ARID1B: variants seen among roughly 807,000 people sequenced by gnomAD.
The protein encoded by ARID1B is AT-rich interactive domain-containing protein 1B.
A neutral mutation model predicts 212.3 loss-of-function variants in ARID1B; 30 were observed. The observed-to-expected ratio is 0.14, with a 90% CI of 0.11 to 0.19. The LOEUF (loss-of-function observed/expected upper bound fraction) is 0.19. Among genes scored for constraint, ARID1B ranks in the 10% least tolerant of loss-of-function variants. The pLI is 1.00. For missense variants in ARID1B, 2,891 were observed against 3,204.0 expected (o/e 0.90, Z 2.36); for synonymous variants, 1,402 against 1,301.7 (o/e 1.08, Z -1.66).
intron 4 of ARID1B, among the ~76,000 whole-genome samples, chr6:157,074,128 G>A (rs983001173): frequency 1.3e-5 from 2 of 152,214 alleles, no homozygotes; most frequent in African/African-American, 2.4e-5. Flanking sequence ...TTGATTGCAT[G>A]CCTTTGAGAA....
chr6:157,143,018 T>C (rs888693860), intron 7 of ARID1B, among the ~76,000 whole-genome samples: 1 of 152,246 alleles, frequency 6.6e-6, no homozygotes, highest in Non-Finnish European at 1.5e-5. Flanking sequence ...GAGTCAGGTA[T>C]AGAAATTTTT....
At chr6:156,877,938 A>G (rs1201559291) in intron 2 of ARID1B, among the ~76,000 whole-genome samples, 1 of 151,514 alleles carries the variant, frequency 6.6e-6, no homozygotes, top group Non-Finnish European at 1.5e-5. Flanking sequence ...CTGGTCTCGA[A>G]CTCCTGACCA....
intron 4 of ARID1B, among the ~76,000 whole-genome samples, chr6:157,064,879 T>C (rs1783573029): frequency 6.6e-6 from 1 of 152,198 alleles, no homozygotes; most frequent in Non-Finnish European, 1.5e-5. Flanking sequence ...CTTTCCTTCC[T>C]CTTCAGGACA....
intron 2 of ARID1B, among the ~76,000 whole-genome samples, chr6:156,851,156 A>G (rs1018167904): frequency 6.6e-6 from 1 of 152,162 alleles, no homozygotes; most frequent in Non-Finnish European, 1.5e-5. Flanking sequence ...AACTAGGGAA[A>G]GACTCAGTTA....
intron 8 of ARID1B, among the ~76,000 whole-genome samples, chr6:157,156,051 A>G (rs1216922702): frequency 6.6e-6 from 1 of 152,162 alleles, no homozygotes; most frequent in Non-Finnish European, 1.5e-5. Flanking sequence ...ATGGACGAAG[A>G]GCTGCTGATG....
At chr6:157,126,238 T>C (rs557032594) in intron 6 of ARID1B, among the ~76,000 whole-genome samples, 4 of 152,328 alleles carry the variant, frequency 2.6e-5, no homozygotes, top group African/African-American at 9.6e-5. Flanking sequence ...ATTTTTCTTA[T>C]TTGACTCTCA....
At chr6:157,170,914 A>G (rs1791676235) in intron 9 of ARID1B, among the ~76,000 whole-genome samples, 1 of 152,204 alleles carries the variant, frequency 6.6e-6, no homozygotes, top group Admixed American at 6.5e-5. Context: ...ACATCCGCGG[A>G]TGTACATAGA....
chr6:157,175,055 G>A (rs1468329119), intron 11 of ARID1B, 50 bp downstream of exon 11: 7 of 1,291,716 alleles, frequency 5.4e-6, no homozygotes, highest in Non-Finnish European at 7.0e-6. Flanking sequence ...GTTTTTTTGG[G>A]GTTTTTTGAT....
intron 2 of ARID1B, among the ~76,000 whole-genome samples, chr6:156,873,982 T>A (rs977405226): frequency 6.6e-6 from 1 of 152,236 alleles, no homozygotes. Flanking sequence ...GGAACCATAG[T>A]ATCCTCAGGC....
chr6:156,821,594 G>A (rs1782360131), intron 1 of ARID1B, among the ~76,000 whole-genome samples: 1 of 152,190 alleles, frequency 6.6e-6, no homozygotes, highest in African/African-American at 2.4e-5. Context: ...GCAGTTCTAA[G>A]GTTCTGAGTT....
intron 3 of ARID1B, among the ~76,000 whole-genome samples, chr6:156,929,012 T>C (rs1038572934): frequency 2.0e-5 from 3 of 152,332 alleles, no homozygotes; most frequent in South Asian, 2.1e-4. Flanking sequence ...TGTACAGTTA[T>C]TATAGAAATG....
At chr6:156,989,908 TA>T (rs1778168044) in intron 4 of ARID1B, among the ~76,000 whole-genome samples, 1 of 152,342 alleles carries the variant, frequency 6.6e-6, no homozygotes, top group South Asian at 2.1e-4. Context: ...ATCTCATATT[TA>T]ATCAGAGGCA....
intron 6 of ARID1B, among the ~76,000 whole-genome samples, chr6:157,129,766 G>T (rs988333402): frequency 6.6e-6 from 1 of 152,164 alleles, no homozygotes; most frequent in African/African-American, 2.4e-5. Flanking sequence ...TATTTTTAAG[G>T]ACTGAGTAAA....
chr6:157,031,496 C>G (rs192905558), intron 4 of ARID1B, among the ~76,000 whole-genome samples: 85 of 152,314 alleles, frequency 5.6e-4, no homozygotes, highest in Non-Finnish European at 9.8e-4. Context: ...TTGATTGTTA[C>G]TAGCCTCCTC....
intron 2 of ARID1B, among the ~76,000 whole-genome samples, chr6:156,858,427 T>A (rs1785097236): frequency 6.6e-6 from 1 of 152,198 alleles, no homozygotes; most frequent in African/African-American, 2.4e-5. Context: ...GATGGATATA[T>A]TAATTACCCT....
At chr6:157,050,368 A>C (rs1782517060) in intron 4 of ARID1B, among the ~76,000 whole-genome samples, 1 of 151,980 alleles carries the variant, frequency 6.6e-6, no homozygotes, top group African/African-American at 2.4e-5. Context: ...ACATGGTGAA[A>C]CCCCGTCTCT....
intron 1 of ARID1B, among the ~76,000 whole-genome samples, chr6:156,785,617 C>T (rs959315927): frequency 6.6e-6 from 1 of 151,890 alleles, no homozygotes; most frequent in African/African-American, 2.4e-5. Context: ...GCATTAAGTA[C>T]ATTGTCATTG....
chr6:157,152,606 T>C (rs902363083), intron 8 of ARID1B, among the ~76,000 whole-genome samples: 2 of 152,220 alleles, frequency 1.3e-5, no homozygotes, highest in African/African-American at 2.4e-5. Flanking sequence ...ACATAACCTG[T>C]GTTGTGCCTT....
intron 4 of ARID1B, among the ~76,000 whole-genome samples, chr6:157,039,852 CTCTCTT>C (rs1385468524): frequency 2.5e-5 from 3 of 122,426 alleles, no homozygotes; most frequent in South Asian, 2.7e-4. Flanking sequence ...CTCTCTTTCT[CTCTCTT>C]TCTCTCTCTT....
Sources: gnomAD v4.1 joint callset for allele counts (sites outside exome capture counted in the v4.1 genomes callset) on GRCh38, gnomAD v4.1.1 for gene constraint, MANE v1.5 for transcripts, NCBI Gene and HGNC (gene_info 2026-07-23, HGNC 2026-07-21) for gene names.